Variants in ANO7 observed in about 807,000 individuals in gnomAD.
ANO7 encodes the protein anoctamin 7, also known as anoctamin-7.
Under a neutral mutation model 115.8 loss-of-function variants are expected in ANO7, and 114 were observed. The ratio of observed to expected loss-of-function variants is 0.98; its 90% CI spans 0.85 to 1.15. The LOEUF is 1.15. ANO7 is among the 50% of genes most tolerant of loss of function. The probability of loss-of-function intolerance (pLI) is 0.00; values close to 1 mark genes in which losing one functional copy is unlikely to be tolerated. For synonymous variants in ANO7, 550 were observed against 498.2 expected, an observed-to-expected ratio of 1.10 and a Z score of -1.38; for missense variants, 1,302 against 1,201.2, an observed-to-expected ratio of 1.08 and a Z score of -1.24.
At chr2:241,231,943 A>G in the ANO7 span, among the ~76,000 whole-genome samples, 1 of 146,228 alleles carries the variant, frequency 6.8e-6, no homozygotes, top group Non-Finnish European at 1.5e-5. Context: ...ACAAATCACA[A>G]CACGGAACCA....
intron 17 of ANO7, among the ~76,000 whole-genome samples, chr2:241,213,246 G>A (rs930690556): frequency 2.0e-5 from 3 of 149,526 alleles, no homozygotes; most frequent in East Asian, 1.9e-4. Context: ...CACAGGGGTC[G>A]CAGGGGCTGG....
At chr2:241,210,177 A>C in intron 13 of ANO7, 118 bp from the exon 14 acceptor site, 5 of 957,656 alleles carry the variant, frequency 5.2e-6, no homozygotes, top group South Asian at 1.3e-5. Flanking sequence ...GGGCCTTCCT[A>C]GAGGTGGCAG....
intron 11 of ANO7, 102 bp from the exon 12 acceptor site, chr2:241,209,183 G>T (rs1264160335): frequency 7.7e-7 from 1 of 1,304,746 alleles, no homozygotes; most frequent in East Asian, 2.5e-5. Flanking sequence ...GTCGGGGGAT[G>T]TGTGTGGGAT....
chr2:241,223,060 C>T, intron 21 of ANO7, 126 bp from the exon 22 acceptor site: 1 of 822,758 alleles, frequency 1.2e-6, no homozygotes, highest in Non-Finnish European at 2.0e-6. Flanking sequence ...CGATGAAGAG[C>T]CAGGCCAGGA....
intron 15 of ANO7, among the ~76,000 whole-genome samples, chr2:241,211,675 C>A (rs2068723334): frequency 6.6e-6 from 1 of 152,120 alleles, no homozygotes; most frequent in African/African-American, 2.4e-5. Context: ...GGGAGCCACC[C>A]ATTTGTTTCT....
chr2:241,195,216 T>TGAAGG (rs753568738), intron 3 of ANO7, among the ~76,000 whole-genome samples: 7 of 152,000 alleles, frequency 4.6e-5, no homozygotes, highest in Non-Finnish European at 5.9e-5. Context: ...CAGGAGGAAG[T>TGAAGG]GAAGGGAAGG....
At position 241,217,903 on chromosome 2, in the gene ANO7, G is replaced by T. The variant is rs1485861934; in HGVS notation, c.2178+12G>T. 6.0e-6 allele frequency: 9 copies of T among 1,501,478 alleles called. No individual in the cohort carries two copies. The highest frequency in any genetic ancestry group is 7.1e-6 in the Non-Finnish European group (8 of 1,127,612). 93.0% of individuals were successfully genotyped at this position (1,501,478 alleles called of 1,614,324 possible). A position where few individuals can be genotyped will look rare whatever the true frequency, so the allele number is the denominator to read the frequency against. On this transcript the variant is annotated intron_variant, in intron 20 of 24. Coordinates refer to ENST00000674324, the MANE Select transcript of ANO7 (RefSeq NM_001370694.2). ...CGGTCATCAGCAACGTGAGGCCCGG[G>T]CGGGAGCGCGGGGCGGGGCGGGGGC...
downstream of ANO7, chr2:241,229,977 AG>A (rs1559469028): frequency 1.3e-6 from 2 of 1,587,812 alleles, no homozygotes; most frequent in African/African-American, 2.7e-5. Flanking sequence ...GGCAGAAGAC[AG>A]GAAGACAGGG....
At position 241,214,789 on chromosome 2, in the gene ANO7, A is replaced by AGCCCT. The variant is rs1475671273; in HGVS notation, c.1729-13_1729-9dup. ...TGGTCCCCCTCTCCCAGCTAACCTGAGCCCTGCTGCCGTAGTGCGCGGCTG... is the reference window on the plus strand; with the variant it reads ...TGGTCCCCCTCTCCCAGCTAACCTGAGCCCTGCCCTGCTGCCGTAGTGCGCGGCTG... On this transcript the variant is annotated splice_polypyrimidine_tract_variant and intron_variant, in intron 17 of 24. Transcript: ENST00000674324. 6.2e-7 allele frequency: 1 copy of AGCCCT among 1,608,362 alleles called. No individual in the cohort carries two copies. Among genetic ancestry groups the AGCCCT allele is most frequent in the Non-Finnish European group, 8.5e-7 (1 of 1,179,240 alleles).
chr2:241,209,789 C>T (rs772541503), intron 13 of ANO7, among the ~76,000 whole-genome samples, 154 bp downstream of exon 13: 15 of 152,186 alleles, frequency 9.9e-5, no homozygotes, highest in African/African-American at 1.4e-4. Context: ...TGCCCGGGCT[C>T]GGCCGTGGGG....
intron 21 of ANO7, 53 bp from the exon 22 acceptor site, chr2:241,223,133 C>A: frequency 6.5e-7 from 1 of 1,538,036 alleles, no homozygotes. Context: ...GAGGCACCTG[C>A]CCAGCCAACA....
Position 241,203,021 on chromosome 2 carries a change from C to G in ANO7, c.724-312C>G, listed in dbSNP as rs1183591247. 1.3e-5 allele frequency among the ~76,000 whole-genome samples: 2 copies of G among 152,216 alleles called. No individual in the cohort carries two copies. The highest frequency in any genetic ancestry group is 4.8e-5 in the African/African-American group (2 of 41,452). On this transcript the variant is annotated intron_variant, in intron 8 of 24. Coordinates refer to ENST00000674324, the MANE Select transcript of ANO7 (RefSeq NM_001370694.2). The surrounding 1 kb of genome is among the most constrained non-coding windows in gnomAD (Gnocchi z 4.8). ...GGACACGAGCCTGGGGACTCTCCAA[C>G]CCAGAGAAGGTGCTGGACCCTGGAC...
Position 241,223,232 on chromosome 2 carries a change from T to A in ANO7, c.2368T>A (p.Trp790Arg), listed in dbSNP as rs2069069428. 1.2e-6 allele frequency: 2 copies of A among 1,614,136 alleles called. No homozygotes were observed. Among genetic ancestry groups the A allele is most frequent in the Non-Finnish European group, 1.7e-6 (2 of 1,180,056 alleles). ...DDDGHYSQTY[W>R]NLLAIRLAFV... ...CGATGGACATTATTCCCAGACCTACTGGAATCTTCTTGCCATCCGCCTGGC... is the reference window on the plus strand; with the variant it reads ...CGATGGACATTATTCCCAGACCTACAGGAATCTTCTTGCCATCCGCCTGGC... The change falls in exon 22 of 25, where the codon TGG (tryptophan) becomes AGG (arginine). Residue 790 changes from tryptophan to arginine, a missense_variant. Physicochemically the swap from Trp to Arg is moderately radical, Grantham distance 101 (BLOSUM62 -3). Transcript: ENST00000674324.
intron 13 of ANO7, 148 bp downstream of exon 13, chr2:241,209,783 C>T (rs952992264): frequency 9.2e-5 from 112 of 1,218,920 alleles, no homozygotes; most frequent in South Asian, 4.5e-4. Flanking sequence ...CCCATGTGCC[C>T]GGGCTCGGCC....
chr2:241,233,019 C>T, the ANO7 span, among the ~76,000 whole-genome samples: 2 of 152,036 alleles, frequency 1.3e-5, no homozygotes, highest in African/African-American at 4.8e-5. The surrounding 1 kb of genome is among the most constrained non-coding windows in gnomAD (Gnocchi z 4.3). Flanking sequence ...GCGGAAAACC[C>T]TGGGCGGCAC....
At position 241,195,731 on chromosome 2, in the gene ANO7, C is replaced by A; in HGVS notation, c.195C>A (p.Asp65Glu). The change falls in exon 4 of 25, where the codon GAC (aspartate) becomes GAA (glutamate). Residue 65 changes from aspartate to glutamate, a missense_variant. Transcript: ENST00000674324. ...IADFVLVWEEDLKLDRQQDSA... is the reference protein window; with the variant it reads ...IADFVLVWEEELKLDRQQDSA... ...ACTTCGTCCTCGTTTGGGAGGAGGA[C>A]CTGAAGCTAGACAGGCAGCAGGACA... The A allele has an allele frequency of 6.2e-7, 1 of 1,614,226 alleles. No individual in the cohort carries two copies. The highest frequency in any genetic ancestry group is 8.5e-7 in the Non-Finnish European group (1 of 1,180,040).
At chr2:241,191,712 C>A (rs1266085965) in intron 3 of ANO7, among the ~76,000 whole-genome samples, 1 of 151,690 alleles carries the variant, frequency 6.6e-6, no homozygotes, top group Non-Finnish European at 1.5e-5. Flanking sequence ...CCCACCCCGC[C>A]CACCCTGCTG....
chr2:241,215,333 C>A (rs971878212), intron 18 of ANO7, among the ~76,000 whole-genome samples: 1 of 152,232 alleles, frequency 6.6e-6, no homozygotes, highest in Non-Finnish European at 1.5e-5. Context: ...GCCTCAGATG[C>A]CCCTGCCAGG....
chr2:241,237,813 A>C, the ANO7 span, among the ~76,000 whole-genome samples: 1 of 152,260 alleles, frequency 6.6e-6, no homozygotes, highest in Non-Finnish European at 1.5e-5. Flanking sequence ...TATCAAAATC[A>C]AAGTTTTAAA....
Sources: allele counts gnomAD v4.1 joint callset (sites outside exome capture counted in the v4.1 genomes callset), GRCh38; gene constraint gnomAD v4.1.1; non-coding constraint Gnocchi (gnomAD v3.1); transcripts MANE v1.5; gene names NCBI Gene and HGNC (gene_info 2026-07-23, HGNC 2026-07-21).